The following ANAPC5 variants were observed in gnomAD, a reference collection of about 807,000 sequenced individuals.
ANAPC5 encodes anaphase promoting complex subunit 5, also known as anaphase-promoting complex subunit 5.
Under a neutral mutation model 91.3 loss-of-function variants are expected in ANAPC5, and 60 were observed. That is an observed-to-expected ratio of 0.66 (90% CI 0.53 to 0.81). ANAPC5 has a LOEUF of 0.81. Ranked by LOEUF, ANAPC5 falls within the 40% of genes least tolerant of loss-of-function variation. The pLI is 0.00. For synonymous variants in ANAPC5, 340 were observed against 364.1 expected, an observed-to-expected ratio of 0.93 and a Z score of 0.75; for missense variants, 690 against 931.5, an observed-to-expected ratio of 0.74 and a Z score of 3.37.
At chr12:121,316,368 T>C (rs1013117458) in intron 15 of ANAPC5, among the ~76,000 whole-genome samples, 1 of 152,190 alleles carries the variant, frequency 6.6e-6, no homozygotes, top group South Asian at 2.1e-4. Flanking sequence ...GCAGCCACTG[T>C]GGCATTTCCT....
intron 15 of ANAPC5, chr12:121,317,766 TTCAC>T (rs1405893189): frequency 6.6e-6 from 1 of 152,306 alleles, no homozygotes; most frequent in East Asian, 1.9e-4. Context: ...GCATTTGACC[TTCAC>T]TCATTCATTG....
intron 13 of ANAPC5, among the ~76,000 whole-genome samples, chr12:121,319,078 G>A (rs1566181912): frequency 2.0e-5 from 3 of 150,736 alleles, no homozygotes. Context: ...ATGAATGTGT[G>A]TGTGAGCATG....
chr12:121,352,827 A>G (rs1903965110), upstream of ANAPC5, among the ~76,000 whole-genome samples: 1 of 148,548 alleles, frequency 6.7e-6, no homozygotes. Context: ...AGAGCACTGC[A>G]CCCTCCCAAA....
chr12:121,338,089 A>C (rs1007213709), intron 5 of ANAPC5, among the ~76,000 whole-genome samples: 5 of 152,116 alleles, frequency 3.3e-5, no homozygotes, highest in Non-Finnish European at 5.9e-5. Context: ...AATAATTTCT[A>C]AGGGCAGGGT....
At chr12:121,325,197 T>C (rs1417845434) in intron 11 of ANAPC5, among the ~76,000 whole-genome samples, 1 of 152,100 alleles carries the variant, frequency 6.6e-6, no homozygotes, top group Non-Finnish European at 1.5e-5. Flanking sequence ...GCGCGGTGGC[T>C]AACGCCTATA....
At chr12:121,319,008 A>C (rs992288554) in intron 13 of ANAPC5, among the ~76,000 whole-genome samples, 1 of 151,834 alleles carries the variant, frequency 6.6e-6, no homozygotes, top group Non-Finnish European at 1.5e-5. Context: ...CGACAGAGTG[A>C]GACTCTGCCT....
chr12:121,320,471 A>G lies in ANAPC5; in HGVS notation c.1441-12T>C, dbSNP rs766212969. 15 of 1,612,934 alleles carry G rather than the reference A, an allele frequency of 9.3e-6. No individual in the cohort carries two copies. In the South Asian group the frequency reaches 1.6e-4, roughly 18 times the overall value. On this transcript the variant is annotated splice_polypyrimidine_tract_variant and intron_variant, in intron 11 of 16. Transcript: ENST00000261819. ...GCAGCAAAACAGCCCTAAAGTAGAAACACACAATTTGATCAGCATAACCTG... is the reference window on the plus strand; with the variant it reads ...GCAGCAAAACAGCCCTAAAGTAGAAGCACACAATTTGATCAGCATAACCTG...
chr12:121,311,122 T>C (rs1902152264), intron 15 of ANAPC5, among the ~76,000 whole-genome samples: 1 of 151,956 alleles, frequency 6.6e-6, no homozygotes, highest in Non-Finnish European at 1.5e-5. Flanking sequence ...TAGTCAGGCA[T>C]GATGGTGCTC....
chr12:121,347,746 G>A, intron 2 of ANAPC5, 56 bp downstream of exon 2: 1 of 1,364,568 alleles, frequency 7.3e-7, no homozygotes, highest in Non-Finnish European at 1.0e-6. Flanking sequence ...ATACCCTTTT[G>A]TGATTTTCAT....
chr12:121,326,572 T>C (rs1444011593), intron 11 of ANAPC5: 1 of 152,248 alleles, frequency 6.6e-6, no homozygotes, highest in African/African-American at 2.4e-5. Context: ...CAGGTTTCGG[T>C]TGGAGACCTG....
intron 5 of ANAPC5, among the ~76,000 whole-genome samples, chr12:121,341,102 T>G (rs7133933): frequency 0.88 from 134,420 of 151,922 alleles, 60,649 homozygotes; most frequent in East Asian, 0.99. Flanking sequence ...GGCAGAGGTG[T>G]CGGTGAGCTG....
At chr12:121,340,598 G>A (rs934104588) in intron 5 of ANAPC5, among the ~76,000 whole-genome samples, 9 of 150,110 alleles carry the variant, frequency 6.0e-5, no homozygotes, top group Non-Finnish European at 1.0e-4. Flanking sequence ...GTGCAGTAGC[G>A]CAATCTTGGC....
chr12:121,348,386 CG>C (rs1279386777), intron 1 of ANAPC5, among the ~76,000 whole-genome samples: 1 of 152,158 alleles, frequency 6.6e-6, no homozygotes, highest in Admixed American at 6.5e-5. Context: ...GACGAGAGGC[CG>C]GGCACAGTGG....
chr12:121,336,169 A>AT (rs541367404), intron 6 of ANAPC5, among the ~76,000 whole-genome samples: 37 of 150,298 alleles, frequency 2.5e-4, no homozygotes, highest in Non-Finnish European at 3.7e-4. Flanking sequence ...AATTATTTTC[A>AT]TTTTTTTTTT....
intron 5 of ANAPC5, among the ~76,000 whole-genome samples, chr12:121,341,636 C>T (rs782147469): frequency 6.6e-6 from 1 of 152,056 alleles, no homozygotes; most frequent in Non-Finnish European, 1.5e-5. Flanking sequence ...ATTGTAGAAT[C>T]GAGGTAATAG....
At chr12:121,330,328 C>T (rs1555272755) in intron 9 of ANAPC5, among the ~76,000 whole-genome samples, 1 of 152,182 alleles carries the variant, frequency 6.6e-6, no homozygotes, top group East Asian at 1.9e-4. Flanking sequence ...GCTCAATAAA[C>T]TAAACAATGA....
At chr12:121,351,074 T>C (rs782268869) in intron 1 of ANAPC5, 8 of 447,720 alleles carry the variant, frequency 1.8e-5, no homozygotes, top group South Asian at 9.4e-5. Context: ...GTCTGCAAAA[T>C]GAAATAACAC....
chr12:121,348,170 TGA>T (rs1426551667), intron 1 of ANAPC5, among the ~76,000 whole-genome samples: 1 of 152,234 alleles, frequency 6.6e-6, no homozygotes, highest in African/African-American at 2.4e-5. Flanking sequence ...TTGTGACCTC[TGA>T]GTTCTAGTTT....
At chr12:121,324,364 A>C (rs1902728943) in intron 11 of ANAPC5, among the ~76,000 whole-genome samples, 1 of 152,172 alleles carries the variant, frequency 6.6e-6, no homozygotes. Context: ...GACTTAAAAA[A>C]AAAAGGCAGC....
Sources: allele counts gnomAD v4.1 joint callset (sites outside exome capture counted in the v4.1 genomes callset), GRCh38; gene constraint gnomAD v4.1.1; transcripts MANE v1.5; gene names NCBI Gene and HGNC (gene_info 2026-07-23, HGNC 2026-07-21).